SYNPR: variants seen among roughly 807,000 people sequenced by gnomAD.
SYNPR encodes the protein synaptoporin.
In SYNPR, 23 loss-of-function variants were observed where a neutral mutation model predicts 32.9. That is an observed-to-expected ratio of 0.70 (90% confidence interval 0.50 to 0.99). The LOEUF (loss-of-function observed/expected upper bound fraction) is 0.99. Ranked by LOEUF, SYNPR falls within the 50% of genes least tolerant of loss-of-function variation. SYNPR has a pLI of 0.00. For missense variants in SYNPR, 318 were observed against 349.3 expected (o/e 0.91, Z 0.71); for synonymous variants, 146 against 135.9 (o/e 1.07, Z -0.52).
intron 3 of SYNPR, among the ~76,000 whole-genome samples, chr3:63,548,707 C>G (rs1702453810): frequency 6.6e-6 from 1 of 152,126 alleles, no homozygotes; most frequent in Non-Finnish European, 1.5e-5. Flanking sequence ...AAAACGTACT[C>G]AGCACTACAA....
intron 2 of SYNPR, among the ~76,000 whole-genome samples, chr3:63,280,163 C>G (rs913506439): frequency 5.3e-5 from 8 of 152,144 alleles, no homozygotes; most frequent in African/African-American, 1.7e-4. Context: ...CTTATTGTCT[C>G]ACACGCTCAC....
chr3:63,606,422 T>TC (rs34149961), intron 4 of SYNPR, among the ~76,000 whole-genome samples: 7,235 of 129,528 alleles, frequency 0.056, 741 homozygotes, highest in African/African-American at 0.2. Context: ...CCTTTCTTTT[T>TC]TTTTTTTTTT....
chr3:63,332,475 G>T (rs188704206), intron 2 of SYNPR, among the ~76,000 whole-genome samples: 93 of 152,230 alleles, frequency 6.1e-4, no homozygotes, highest in Non-Finnish European at 8.1e-4. Context: ...TTCTCCTATT[G>T]CATCCTTAGA....
intron 2 of SYNPR, among the ~76,000 whole-genome samples, chr3:63,282,834 A>G (rs1219276434): frequency 6.6e-6 from 1 of 152,244 alleles, no homozygotes; most frequent in Admixed American, 6.5e-5. Flanking sequence ...ACCAGTATTT[A>G]TCCTTTGAAT....
the SYNPR span, among the ~76,000 whole-genome samples, chr3:63,218,452 C>A: frequency 6.6e-6 from 1 of 152,298 alleles, no homozygotes; most frequent in South Asian, 2.1e-4. Context: ...TTTGTGTCCT[C>A]CAAACATTCC....
At chr3:63,309,950 G>A (rs996944409) in intron 2 of SYNPR, among the ~76,000 whole-genome samples, 1 of 151,802 alleles carries the variant, frequency 6.6e-6, no homozygotes, top group African/African-American at 2.4e-5. Context: ...TGTCTGAGAC[G>A]GTATTTGCAT....
At chr3:63,510,932 T>C (rs1203723778) in intron 3 of SYNPR, among the ~76,000 whole-genome samples, 9 of 132,260 alleles carry the variant, frequency 6.8e-5, no homozygotes, top group African/African-American at 2.4e-4. Context: ...TGTGTGTGTG[T>C]GTGCGCGCAC....
intron 2 of SYNPR, among the ~76,000 whole-genome samples, chr3:63,402,083 G>A (rs537028870): frequency 6.6e-6 from 1 of 152,242 alleles, no homozygotes; most frequent in East Asian, 1.9e-4. Context: ...CATAAATGAA[G>A]AGCAATGTTG....
At chr3:63,441,218 A>G (rs1445664725) in intron 2 of SYNPR, among the ~76,000 whole-genome samples, 1 of 152,220 alleles carries the variant, frequency 6.6e-6, no homozygotes, top group African/African-American at 2.4e-5. Context: ...AAATAAAATG[A>G]TATACCAAAA....
chr3:63,221,301 A>G, the SYNPR span, among the ~76,000 whole-genome samples: 1 of 152,102 alleles, frequency 6.6e-6, no homozygotes, highest in East Asian at 1.9e-4. Flanking sequence ...AAGAGATTAA[A>G]AGGGATTTCA....
chr3:63,476,718 C>T (rs1227376349), intron 2 of SYNPR, among the ~76,000 whole-genome samples: 1 of 152,166 alleles, frequency 6.6e-6, no homozygotes, highest in East Asian at 1.9e-4. Context: ...CCTCACTCAT[C>T]TTCCAGGTGT....
At chr3:63,483,243 C>A (rs960418482) in intron 3 of SYNPR, among the ~76,000 whole-genome samples, 3 of 152,180 alleles carry the variant, frequency 2.0e-5, no homozygotes, top group Admixed American at 6.5e-5. Context: ...TGTCCATCAG[C>A]AGGAAGCAGG....
At chr3:63,337,248 A>C (rs1314701383) in intron 2 of SYNPR, among the ~76,000 whole-genome samples, 1 of 151,374 alleles carries the variant, frequency 6.6e-6, no homozygotes, top group Non-Finnish European at 1.5e-5. Flanking sequence ...AAAAAAAAAA[A>C]AAAAAAAAGA....
intron 2 of SYNPR, among the ~76,000 whole-genome samples, chr3:63,372,614 A>C (rs1015341416): frequency 3.3e-5 from 5 of 152,078 alleles, no homozygotes; most frequent in African/African-American, 1.2e-4. Flanking sequence ...GTTCCACCCC[A>C]GGCTGATCAC....
chr3:63,289,722 C>T (rs187434466), intron 2 of SYNPR, among the ~76,000 whole-genome samples: 12 of 152,014 alleles, frequency 7.9e-5, no homozygotes, highest in South Asian at 2.1e-4. Context: ...TAGCATAAGA[C>T]GATCATAAAG....
intron 3 of SYNPR, among the ~76,000 whole-genome samples, chr3:63,482,181 C>A (rs1231447671): frequency 1.3e-5 from 2 of 152,116 alleles, no homozygotes; most frequent in Admixed American, 6.6e-5. Flanking sequence ...ACACTTCAAG[C>A]ACAGTTTCCT....
intron 3 of SYNPR, among the ~76,000 whole-genome samples, chr3:63,488,505 A>C (rs1701198066): frequency 6.6e-6 from 1 of 152,166 alleles, no homozygotes; most frequent in South Asian, 2.1e-4. Context: ...ACTGGTAGTG[A>C]ATTGTGCAGT....
At chr3:63,464,549 C>CT (rs966797833) in intron 2 of SYNPR, among the ~76,000 whole-genome samples, 3 of 152,054 alleles carry the variant, frequency 2.0e-5, no homozygotes, top group African/African-American at 7.2e-5. Context: ...CTCAATTTCC[C>CT]TTTTTTCCAA....
chr3:63,356,475 T>G (rs1485037538), intron 2 of SYNPR, among the ~76,000 whole-genome samples: 1 of 152,268 alleles, frequency 6.6e-6, no homozygotes, highest in Non-Finnish European at 1.5e-5. Context: ...ATTAAGATTC[T>G]GTTGTCATTA....
Sources: allele counts gnomAD v4.1 joint callset (sites outside exome capture counted in the v4.1 genomes callset), GRCh38; gene constraint gnomAD v4.1.1; transcripts MANE v1.5; gene names NCBI Gene and HGNC (gene_info 2026-07-23, HGNC 2026-07-21).